The following CSNK1G1 variants were observed in gnomAD, a reference collection of about 807,000 sequenced individuals.
CSNK1G1 encodes the protein casein kinase 1 gamma 1.
CSNK1G1 carries 22 observed loss-of-function variants against 59.6 expected under a neutral mutation model. That is an observed-to-expected ratio of 0.37 (90% CI 0.26 to 0.53). CSNK1G1 has a LOEUF of 0.53. Ranked by LOEUF, CSNK1G1 falls within the 20% of genes least tolerant of loss-of-function variation. The pLI is 0.89. For missense variants in CSNK1G1, 384 were observed against 519.5 expected, an observed-to-expected ratio of 0.74 and a Z score of 2.54; for synonymous variants, 179 against 177.1, an observed-to-expected ratio of 1.01 and a Z score of -0.08.
chr15:64,191,668 C>T (rs35383967), intron 10 of CSNK1G1, among the ~76,000 whole-genome samples: 1,639 of 152,228 alleles, frequency 0.011, 16 homozygotes, highest in Non-Finnish European at 0.015. Context: ...AAGCAATATG[C>T]TATTTATCTT....
chr15:64,279,261 T>G (rs1225028224), intron 2 of CSNK1G1, among the ~76,000 whole-genome samples: 3 of 152,344 alleles, frequency 2.0e-5, no homozygotes, highest in African/African-American at 4.8e-5. Flanking sequence ...CAGTAGGTTT[T>G]CTGGTACCTC....
rs1457803232 is a variant in CSNK1G1 at position 64,204,572 on chromosome 15, G to A, written c.868C>T (p.Leu290Phe). The change falls in exon 9 of 12, where the codon CTT (leucine) becomes TTT (phenylalanine). Residue 290 changes from leucine (L) to phenylalanine (F), a missense_variant. Coordinates refer to ENST00000303052, the MANE Select transcript of CSNK1G1 (RefSeq NM_022048.5). ...ENFPEEMATYLRYVRRLDFFE... is the reference protein window; with the variant it reads ...ENFPEEMATYFRYVRRLDFFE... ...AAGTCCAGTCGCCTGACATATCGAA[G>A]GTAGGTTGCCATCTCCTCTGTTAGG... 2.5e-6 allele frequency: 4 copies of A among 1,613,550 alleles called. No individual in the cohort carries two copies. Among genetic ancestry groups the A allele is most frequent in the Non-Finnish European group, 2.5e-6 (3 of 1,179,914 alleles).
chr15:64,330,304 G>A (rs1311590868), intron 1 of CSNK1G1, among the ~76,000 whole-genome samples: 67 of 140,070 alleles, frequency 4.8e-4, no homozygotes, highest in Middle Eastern at 3.6e-3. Context: ...GAATCCAGCA[G>A]CACATCAAAA....
chr15:64,353,833 C>T (rs1898474201), intron 1 of CSNK1G1, among the ~76,000 whole-genome samples: 1 of 151,820 alleles, frequency 6.6e-6, no homozygotes, highest in East Asian at 1.9e-4. Context: ...GACCTTGTCA[C>T]TAAAAATAAA....
At chr15:64,352,276 A>G (rs780427563) in intron 1 of CSNK1G1, among the ~76,000 whole-genome samples, 13 of 151,878 alleles carry the variant, frequency 8.6e-5, no homozygotes, top group Admixed American at 1.3e-4. Context: ...GCTGCACTCC[A>G]GCATGGGTGA....
At chr15:64,203,930 G>A (rs73462580) in intron 9 of CSNK1G1, among the ~76,000 whole-genome samples, 2,558 of 151,998 alleles carry the variant, frequency 0.017, 80 homozygotes, top group African/African-American at 0.059. Flanking sequence ...ATCACCTCAG[G>A]TCAGGAGTTT....
chr15:64,313,434 G>A (rs1896098780), intron 1 of CSNK1G1, among the ~76,000 whole-genome samples: 1 of 152,162 alleles, frequency 6.6e-6, no homozygotes, highest in Non-Finnish European at 1.5e-5. Flanking sequence ...AAAAAGATGG[G>A]TTCATGTCCT....
chr15:64,210,424 T>C lies in CSNK1G1; in HGVS notation c.680-2830A>G, dbSNP rs2082236019. ...CATACGACTTTGAACACTCCACACT[T>C]GTCCAATTCATTATTTCTACATGCC... is the stretch of plus-strand genomic sequence containing the variant. On this transcript the variant is annotated intron_variant, in intron 6 of 11. Coordinates refer to ENST00000303052, the MANE Select transcript of CSNK1G1 (RefSeq NM_022048.5). The surrounding 1 kb of genome is among the most constrained non-coding windows in gnomAD (Gnocchi z 4.2). 6.6e-6 allele frequency among the ~76,000 whole-genome samples: 1 copy of C among 152,154 alleles called. No homozygotes were observed. The highest frequency in any genetic ancestry group is 1.5e-5 in the Non-Finnish European group (1 of 68,010).
At chr15:64,237,780 A>G (rs898896280) in intron 4 of CSNK1G1, among the ~76,000 whole-genome samples, 2 of 152,234 alleles carry the variant, frequency 1.3e-5, no homozygotes, top group Non-Finnish European at 2.9e-5. Context: ...ACAGTTGCCT[A>G]GATTCAAAGC....
intron 2 of CSNK1G1, among the ~76,000 whole-genome samples, chr15:64,269,802 C>T (rs1893184595): frequency 6.6e-6 from 1 of 150,784 alleles, no homozygotes; most frequent in African/African-American, 2.4e-5. Flanking sequence ...CCTCTGATGG[C>T]TATTTTTATT....
chr15:64,297,711 A>AT (rs1895104396), intron 2 of CSNK1G1, among the ~76,000 whole-genome samples: 1 of 151,400 alleles, frequency 6.6e-6, no homozygotes. Context: ...AAAAAAAAAA[A>AT]GAATAAGAAG....
intron 2 of CSNK1G1, among the ~76,000 whole-genome samples, chr15:64,260,464 A>C (rs752744354): frequency 2.6e-5 from 4 of 152,072 alleles, no homozygotes; most frequent in Non-Finnish European, 5.9e-5. Context: ...AAATAAAAAA[A>C]CAAGCTGGGT....
chr15:64,325,657 C>T (rs562411569), intron 1 of CSNK1G1, among the ~76,000 whole-genome samples: 2 of 152,190 alleles, frequency 1.3e-5, no homozygotes, highest in Non-Finnish European at 2.9e-5. Context: ...AATCACATCT[C>T]TAAATTTTTA....
intron 1 of CSNK1G1, among the ~76,000 whole-genome samples, chr15:64,306,556 T>G (rs1385408979): frequency 6.6e-6 from 1 of 152,216 alleles, no homozygotes; most frequent in East Asian, 1.9e-4. Context: ...ATGGTACGGC[T>G]ATTTTGGAAG....
chr15:64,255,686 T>C (rs1009142020), intron 3 of CSNK1G1, among the ~76,000 whole-genome samples: 1 of 152,242 alleles, frequency 6.6e-6, no homozygotes, highest in Non-Finnish European at 1.5e-5. Context: ...GGTCCTAGTT[T>C]TTAATTCTTT....
intron 2 of CSNK1G1, among the ~76,000 whole-genome samples, chr15:64,262,691 T>C (rs1260818955): frequency 6.6e-6 from 1 of 152,208 alleles, no homozygotes; most frequent in South Asian, 2.1e-4. Context: ...TTTTCTTGGA[T>C]CCTAATTTTC....
chr15:64,307,496 T>G (rs1354873095), intron 1 of CSNK1G1, among the ~76,000 whole-genome samples: 1 of 152,088 alleles, frequency 6.6e-6, no homozygotes, highest in Non-Finnish European at 1.5e-5. Context: ...GGTGGATCAC[T>G]TGAGGCCAGG....
intron 3 of CSNK1G1, among the ~76,000 whole-genome samples, chr15:64,254,913 A>G (rs2140323919): frequency 6.6e-6 from 1 of 152,298 alleles, no homozygotes; most frequent in East Asian, 1.9e-4. Context: ...CTAGTAAAAT[A>G]TTATAGTTTC....
intron 2 of CSNK1G1, among the ~76,000 whole-genome samples, chr15:64,286,406 T>C (rs1566934136): frequency 6.6e-6 from 1 of 152,178 alleles, no homozygotes; most frequent in Non-Finnish European, 1.5e-5. Flanking sequence ...ACTCATATTG[T>C]TAACATGTTA....
Sources: gnomAD v4.1 joint callset for allele counts (sites outside exome capture counted in the v4.1 genomes callset) on GRCh38, gnomAD v4.1.1 for gene constraint, Gnocchi (gnomAD v3.1) non-coding constraint, MANE v1.5 for transcripts, NCBI Gene and HGNC (gene_info 2026-07-23, HGNC 2026-07-21) for gene names.